The following ITGA1 variants were observed in gnomAD, a reference collection of about 807,000 sequenced individuals.
The protein encoded by ITGA1 is integrin subunit alpha 1.
ITGA1 carries 85 observed loss-of-function variants against 145.9 expected under a neutral mutation model. That is an observed-to-expected ratio of 0.58 (90% CI 0.49 to 0.70). ITGA1 has a LOEUF of 0.70. Ranked by LOEUF, ITGA1 falls within the 30% of genes least tolerant of loss-of-function variation. The pLI is 0.00. For synonymous variants in ITGA1, 520 were observed against 495.3 expected, an observed-to-expected ratio of 1.05 and a Z score of -0.66; for missense variants, 1,351 against 1,418.7, an observed-to-expected ratio of 0.95 and a Z score of 0.77.
chr5:52,947,222 T>A, intron 27 of ITGA1, 123 bp from the exon 28 acceptor site: 1 of 615,570 alleles, frequency 1.6e-6, no homozygotes, highest in Non-Finnish European at 2.9e-6. Context: ...AAATCTAATG[T>A]TTTCTCATTA....
chr5:52,895,242 G>T (rs1275456477), intron 9 of ITGA1, among the ~76,000 whole-genome samples: 1 of 152,014 alleles, frequency 6.6e-6, no homozygotes, highest in Non-Finnish European at 1.5e-5. Context: ...TTTTCCCCTG[G>T]CCTCTTTCCC....
chr5:52,953,433 AC>A lies in ITGA1; in HGVS notation c.*987del, dbSNP rs1751259316. On this transcript the variant is annotated 3_prime_UTR_variant, in exon 29 of 29. Coordinates refer to ENST00000282588, the MANE Select transcript of ITGA1 (RefSeq NM_181501.2). The stretch of plus-strand genomic sequence containing the variant: ...ACTCCTTGGTACAGGGTTCATTCAA[AC>A]CCCCAAGCTGTGAGAGTGTGTTTAT... The A allele has an allele frequency of 6.6e-6, 1 of 152,096 alleles. No homozygotes were observed. 9.4% of individuals were successfully genotyped at this position (152,096 alleles called of 1,614,324 possible).
At chr5:52,788,551 C>A in intron 1 of ITGA1, 137 bp downstream of exon 1, 1 of 654,564 alleles carries the variant, frequency 1.5e-6, no homozygotes, top group Non-Finnish European at 2.4e-6. Context: ...GGTACTCAGG[C>A]CAGGCTACGG....
intron 2 of ITGA1, among the ~76,000 whole-genome samples, chr5:52,852,926 G>T (rs1307984425): frequency 1.3e-5 from 2 of 151,946 alleles, no homozygotes; most frequent in Non-Finnish European, 2.9e-5. Context: ...CAACTACTTA[G>T]GACCAGAGCT....
chr5:52,937,479 C>G lies in ITGA1; in HGVS notation c.3043C>G (p.Pro1015Ala). 6.2e-7 allele frequency: 1 copy of G among 1,612,606 alleles called. No individual in the cohort carries two copies. Among genetic ancestry groups the G allele is most frequent in the Non-Finnish European group, 8.5e-7 (1 of 1,178,708 alleles). ...SFPNMTSNGY[P>A]VLYPTGLSSS... ...CCCCAATATGACATCAAATGGTTAC[C>G]CTGTGCTGTACCCAACTGGATTGTC... Residue 1015 changes from proline to alanine, a missense_variant, in exon 24 of 29, where the codon CCT becomes GCT. Pro to Ala is a conservative substitution (Grantham distance 27). Transcript: ENST00000282588.
rs1382349596 is a variant in ITGA1, at chr5:52,788,402, T to C, written c.49T>C (p.Trp17Arg). 31 of 1,513,630 alleles carry C rather than the reference T, an allele frequency of 2.0e-5. 1 individual carries two copies. The highest frequency in any genetic ancestry group is 2.7e-5 in the East Asian group (1 of 36,798). The allele number at this position is 1,513,630 out of a possible 1,614,324, so 93.8% of individuals were successfully genotyped here. Residue 17 changes from tryptophan to arginine, a missense_variant, in exon 1 of 29, where the codon TGG becomes CGG. Physicochemically the swap from Trp to Arg is moderately radical, Grantham distance 101. Coordinates refer to ENST00000282588, the MANE Select transcript of ITGA1 (RefSeq NM_181501.2). ...ARPGVAVACC[W>R]LLTVVLRCCV... ...CCCAGGGGTCGCTGTCGCCTGCTGC[T>C]GGCTCCTCACTGGTGAGCGACTCGC...
intron 7 of ITGA1, among the ~76,000 whole-genome samples, chr5:52,886,904 G>A (rs1420131980): frequency 6.6e-6 from 1 of 152,110 alleles, no homozygotes; most frequent in Non-Finnish European, 1.5e-5. Flanking sequence ...TCAGCCTCCA[G>A]AGTAGCTGGG....
At chr5:52,794,359 A>C (rs1170893007) in intron 1 of ITGA1, among the ~76,000 whole-genome samples, 1 of 152,038 alleles carries the variant, frequency 6.6e-6, no homozygotes, top group African/African-American at 2.4e-5. Context: ...TTTATTAATT[A>C]GACTTTTATT....
In ITGA1 at chr5:52,920,421, A is replaced by C. The variant is rs745308435; in HGVS notation, c.2245A>C (p.Ile749Leu). The C allele has an allele frequency of 1.5e-5, 24 of 1,610,722 alleles. No individual in the cohort carries two copies. Among genetic ancestry groups the C allele is most frequent in the Non-Finnish European group, 2.0e-5 (24 of 1,178,712 alleles). The change falls in exon 17 of 29, where the codon ATC (isoleucine) becomes CTC (leucine). Residue 749 changes from isoleucine to leucine, a missense_variant. Physicochemically the swap from Ile to Leu is conservative, Grantham distance 5. Transcript: ENST00000282588. ...TCAAGAGAGAAAGGTTCAAAGGAAC[A>C]TCACAGTTCGAAAATCAGAATGCAC... ...GTQERKVQRN[I>L]TVRKSECTKH...
At chr5:52,864,899 T>C in intron 4 of ITGA1, 48 bp downstream of exon 4, 2 of 1,548,220 alleles carry the variant, frequency 1.3e-6, no homozygotes, top group Non-Finnish European at 8.9e-7. Flanking sequence ...ATGCTATCAT[T>C]TTAAGTCTTT....
intron 1 of ITGA1, chr5:52,800,912 G>C: frequency 1.2e-6 from 2 of 1,613,984 alleles, no homozygotes; most frequent in Non-Finnish European, 1.7e-6. Context: ...AAAAGGAAAG[G>C]CAATTGCTCT....
At chr5:52,918,364 G>A (rs926584035) in intron 15 of ITGA1, among the ~76,000 whole-genome samples, 8 of 152,088 alleles carry the variant, frequency 5.3e-5, no homozygotes, top group African/African-American at 1.9e-4. Context: ...GAGATAGCAG[G>A]GGTCTACGGG....
At position 52,929,675 on chromosome 5, in the gene ITGA1, T is replaced by C. The variant is rs1003559611; in HGVS notation, c.2745T>C (p.Asn915=). The C allele has an allele frequency of 1.3e-6, 2 of 1,589,212 alleles. No homozygotes were observed. Among genetic ancestry groups the C allele is most frequent in the African/African-American group, 2.7e-5 (2 of 74,202 alleles). The change falls in exon 21 of 29, where the codon AAT becomes AAC. Residue 915 remains asparagine (N), a synonymous_variant. Coordinates refer to ENST00000282588, the MANE Select transcript of ITGA1 (RefSeq NM_181501.2). ...TTAACACATCCTATCTCATGGAAAA[T>C]GTGACCATTTATTTAAGTGCAACAA... ...FQFNTSYLME[N]VTIYLSATSD...
intron 1 of ITGA1, among the ~76,000 whole-genome samples, chr5:52,823,137 C>T (rs1171048663): frequency 1.3e-5 from 2 of 152,094 alleles, no homozygotes; most frequent in East Asian, 3.9e-4. Context: ...TTAGACAAGC[C>T]TCGGAGAGAG....
intron 1 of ITGA1, chr5:52,801,247 A>T (rs1469994621): frequency 8.6e-7 from 1 of 1,164,450 alleles, no homozygotes; most frequent in Non-Finnish European, 1.2e-6. Context: ...TTCATGAGAT[A>T]ATGAAATAAA....
intron 1 of ITGA1, among the ~76,000 whole-genome samples, chr5:52,792,407 T>C (rs570368898): frequency 6.6e-6 from 1 of 152,318 alleles, no homozygotes; most frequent in South Asian, 2.1e-4. Context: ...CAGCAATGAA[T>C]TCACGGGATT....
chr5:52,894,930 C>T (rs1750203196), intron 9 of ITGA1, among the ~76,000 whole-genome samples: 1 of 152,074 alleles, frequency 6.6e-6, no homozygotes, highest in East Asian at 1.9e-4. Context: ...AGAGTTATGG[C>T]TTTCAAACTT....
At chr5:52,909,755 A>G (rs1579712375) in intron 13 of ITGA1, among the ~76,000 whole-genome samples, 1 of 145,858 alleles carries the variant, frequency 6.9e-6, no homozygotes, top group African/African-American at 2.5e-5. Context: ...CTTTGCTAGT[A>G]CTTTCTGTCT....
chr5:52,889,522 A>G (rs889176315), intron 8 of ITGA1: 8 of 152,218 alleles, frequency 5.3e-5, no homozygotes, highest in Non-Finnish European at 1.0e-4. Flanking sequence ...ATCCTTCTTA[A>G]TCAAACTATC....
Sources: gnomAD v4.1 joint callset for allele counts (sites outside exome capture counted in the v4.1 genomes callset) on GRCh38, gnomAD v4.1.1 for gene constraint, MANE v1.5 for transcripts, NCBI Gene and HGNC (gene_info 2026-07-23, HGNC 2026-07-21) for gene names.